Variants in PARG observed in about 807,000 individuals in gnomAD.
The protein encoded by PARG is mitochondrial poly(ADP-ribose) glycohydrolase.
A neutral mutation model predicts 113.0 loss-of-function variants in PARG; 35 were observed. The ratio of observed to expected loss-of-function variants is 0.31; its 90% CI spans 0.24 to 0.41. PARG has a LOEUF of 0.41. Ranked by LOEUF, PARG falls within the 10% of genes least tolerant of loss-of-function variation. PARG has a pLI of 1.00. For missense variants in PARG, 797 were observed against 1,169.4 expected, an observed-to-expected ratio of 0.68 and a Z score of 4.64; for synonymous variants, 330 against 409.9, an observed-to-expected ratio of 0.81 and a Z score of 2.36.
In PARG at chr10:49,883,807, GA is replaced by G. The variant is rs781945080; in HGVS notation, c.1830+1395del. 2.0e-3 allele frequency among the ~76,000 whole-genome samples: 179 copies of G among 90,020 alleles called. 3 individuals carry two copies. Among genetic ancestry groups the G allele is most frequent in the African/African-American group, 4.9e-3 (131 of 26,722 alleles). The allele number at this position is 90,020 out of a possible 152,430, so 59.1% of individuals were successfully genotyped here. On this transcript the variant is annotated intron_variant, in intron 8 of 17. Coordinates refer to ENST00000616448, the MANE Select transcript of PARG (RefSeq NM_003631.5). ...CAAGGATGAAATTCAGTCTCAAAAAGAAAAAAAAAAAAAAAAACAGGTGGTC... is the reference window on the plus strand; with the variant it reads ...CAAGGATGAAATTCAGTCTCAAAAAGAAAAAAAAAAAAAAAACAGGTGGTC...
intron 7 of PARG, among the ~76,000 whole-genome samples, chr10:49,904,034 G>GT (rs1848463385): frequency 1.3e-5 from 2 of 151,942 alleles, no homozygotes; most frequent in South Asian, 4.2e-4. Context: ...GGAGACAAGT[G>GT]TAACAGAAAT....
At chr10:49,939,483 T>C (rs1389637352) in intron 1 of PARG, among the ~76,000 whole-genome samples, 3 of 152,386 alleles carry the variant, frequency 2.0e-5, no homozygotes, top group Admixed American at 2.0e-4. Flanking sequence ...ATATATTTCT[T>C]ACTCTGTGTA....
At chr10:49,895,697 C>T (rs565805346) in intron 7 of PARG, among the ~76,000 whole-genome samples, 13 of 152,046 alleles carry the variant, frequency 8.6e-5, no homozygotes, top group Non-Finnish European at 1.5e-4. Flanking sequence ...TGAGCCACCG[C>T]GCCCGGCCGA....
Position 49,907,797 on chromosome 10 carries a change from G to C in PARG, c.1737+8120C>G, listed in dbSNP as rs1301955063. Among the ~76,000 whole-genome samples, 17 of 152,130 alleles carry C rather than the reference G, an allele frequency of 1.1e-4. 1 individual carries two copies. Among genetic ancestry groups the C allele is most frequent in the African/African-American group, 3.1e-4 (13 of 41,442 alleles). On this transcript the variant is annotated intron_variant, in intron 7 of 17. Coordinates refer to ENST00000616448, the MANE Select transcript of PARG (RefSeq NM_003631.5). ...ACAAAACAAAACCCAAAACACTTCA[G>C]AGCTAGCTGATAGAGATATAAATCA...
chr10:49,837,170 C>A (rs11812185), intron 15 of PARG, among the ~76,000 whole-genome samples: 28,085 of 151,882 alleles, frequency 0.18, 3,243 homozygotes, highest in Non-Finnish European at 0.27. Flanking sequence ...CCAATAAGAC[C>A]GGTGGAGCCT....
intron 15 of PARG, among the ~76,000 whole-genome samples, chr10:49,841,051 G>A (rs922957796): frequency 7.9e-5 from 12 of 152,174 alleles, no homozygotes; most frequent in South Asian, 4.2e-4. Context: ...TCAGGAGTTC[G>A]AGACCAGCCT....
chr10:49,862,568 G>A (rs1554836151), intron 11 of PARG, among the ~76,000 whole-genome samples: 1 of 151,378 alleles, frequency 6.6e-6, no homozygotes, highest in African/African-American at 2.4e-5. Flanking sequence ...CTTTAACTCA[G>A]AAGGTAATTC....
intron 7 of PARG, among the ~76,000 whole-genome samples, chr10:49,912,031 C>G (rs569428593): frequency 2.6e-5 from 4 of 152,070 alleles, no homozygotes; most frequent in African/African-American, 9.7e-5. Flanking sequence ...TGGGAGCAGC[C>G]GCTCACACCT....
chr10:49,880,021 T>C (rs1248183810), intron 8 of PARG, among the ~76,000 whole-genome samples, 191 bp from the exon 9 acceptor site: 14 of 150,652 alleles, frequency 9.3e-5, no homozygotes, highest in South Asian at 4.3e-4. Context: ...AATGCACTTA[T>C]TTGACAAACT....
intron 7 of PARG, among the ~76,000 whole-genome samples, chr10:49,896,983 A>C (rs1376673992): frequency 6.6e-6 from 1 of 152,206 alleles, no homozygotes; most frequent in Non-Finnish European, 1.5e-5. Context: ...CCTTTGTCTC[A>C]CATATGTTAA....
At chr10:49,914,311 C>T (rs1405647141) in intron 7 of PARG, among the ~76,000 whole-genome samples, 4 of 152,152 alleles carry the variant, frequency 2.6e-5, no homozygotes, top group South Asian at 2.1e-4. Flanking sequence ...ACAAGGATAA[C>T]GATTATATCG....
Position 49,941,601 on chromosome 10 carries a change from T to C in PARG, c.125A>G (p.Lys42Arg), listed in dbSNP as rs1441384226. Residue 42 changes from lysine to arginine, a missense_variant, in exon 1 of 18, where the codon AAG (lysine) becomes AGG (arginine). Physicochemically the swap from Lys to Arg is conservative, Grantham distance 26. Transcript: ENST00000616448. ...PSRQRRVLDP[K>R]DAHVQFRVPP... ...GACCCTGAACTGCACGTGAGCGTCC[T>C]TGGGGTCGAGGACGCGCCTCTGCCT... 5.1e-6 allele frequency: 8 copies of C among 1,577,430 alleles called. No individual in the cohort carries two copies. The highest frequency in any genetic ancestry group is 2.7e-5 in the African/African-American group (2 of 73,880).
At chr10:49,893,399 T>C (rs1847908822) in intron 7 of PARG, among the ~76,000 whole-genome samples, 1 of 152,256 alleles carries the variant, frequency 6.6e-6, no homozygotes, top group South Asian at 2.1e-4. Flanking sequence ...CTTGCTCATT[T>C]TCTAGCGAGG....
At chr10:49,823,486 T>C (rs1305995577) in intron 16 of PARG, among the ~76,000 whole-genome samples, 1 of 152,176 alleles carries the variant, frequency 6.6e-6, no homozygotes, top group Non-Finnish European at 1.5e-5. Flanking sequence ...GGAGGTGCCA[T>C]GACTATGCCT....
intron 4 of PARG, among the ~76,000 whole-genome samples, chr10:49,927,404 AAGAAAGAAAGAAAGAAAAAT>A (rs1838257217): frequency 9.5e-6 from 1 of 105,256 alleles, no homozygotes; most frequent in Non-Finnish European, 2.4e-5. Context: ...GAAAGAAAGA[AAGAAAGAAAGAAAGAAAAAT>A]AAACCTGTGA....
intron 16 of PARG, among the ~76,000 whole-genome samples, chr10:49,821,927 A>G (rs889514197): frequency 3.3e-5 from 5 of 152,226 alleles, no homozygotes; most frequent in Admixed American, 1.3e-4. Flanking sequence ...ATATAAGTCC[A>G]TAAGACCATA....
intron 7 of PARG, among the ~76,000 whole-genome samples, chr10:49,914,775 G>C (rs2132839740): frequency 6.6e-6 from 1 of 152,294 alleles, no homozygotes; most frequent in East Asian, 1.9e-4. Context: ...GAACTGAGAG[G>C]CCAGAAACAA....
chr10:49,844,507 C>A (rs1253940013), intron 13 of PARG, among the ~76,000 whole-genome samples: 3 of 151,770 alleles, frequency 2.0e-5, no homozygotes, highest in African/African-American at 7.3e-5. Context: ...CCTGTAATCC[C>A]AGCTACTCAG....
intron 7 of PARG, among the ~76,000 whole-genome samples, chr10:49,908,833 T>G (rs183770657): frequency 4.3e-3 from 661 of 152,156 alleles, no homozygotes; most frequent in East Asian, 0.016. Flanking sequence ...GCCACATTCC[T>G]TCAGTTACTG....
Sources: gnomAD v4.1 joint callset for allele counts (sites outside exome capture counted in the v4.1 genomes callset) on GRCh38, gnomAD v4.1.1 for gene constraint, MANE v1.5 for transcripts, NCBI Gene and HGNC (gene_info 2026-07-23, HGNC 2026-07-21) for gene names.